Variants in FRAS1 observed in about 807,000 individuals in gnomAD.
FRAS1 encodes the protein Fraser extracellular matrix complex subunit 1.
In FRAS1, 290 loss-of-function variants were observed where a neutral mutation model predicts 435.2. The ratio of observed to expected loss-of-function variants is 0.67; its 90% CI spans 0.61 to 0.73. The LOEUF (loss-of-function observed/expected upper bound fraction) is 0.73, where lower values mean the gene tolerates loss of function less well. Ranked by LOEUF, FRAS1 falls within the 30% of genes least tolerant of loss-of-function variation. The pLI, the probability that FRAS1 is intolerant of heterozygous loss-of-function variation, is 0.00. For synonymous variants in FRAS1, 1,800 were observed against 1,851.0 expected (o/e 0.97, Z 0.71); for missense variants, 4,860 against 5,001.5 (o/e 0.97, Z 0.85).
chr4:78,114,708 T>A (rs1235342881), intron 2 of FRAS1, among the ~76,000 whole-genome samples: 3 of 152,386 alleles, frequency 2.0e-5, no homozygotes, highest in Admixed American at 2.0e-4. Flanking sequence ...AAGTTGCCTG[T>A]CAGCTTAAGG....
chr4:78,370,842 G>A (rs1406136824), intron 23 of FRAS1, among the ~76,000 whole-genome samples: 1 of 152,168 alleles, frequency 6.6e-6, no homozygotes, highest in Non-Finnish European at 1.5e-5. Flanking sequence ...GAAAGCAAAG[G>A]TAAAGAACAG....
At chr4:78,088,096 C>A (rs1281232534) in intron 2 of FRAS1, among the ~76,000 whole-genome samples, 2 of 152,136 alleles carry the variant, frequency 1.3e-5, no homozygotes, top group Non-Finnish European at 2.9e-5. Flanking sequence ...ACCAATGGAA[C>A]AGAACAGAGC....
At chr4:78,290,498 C>T (rs1244986390) in intron 14 of FRAS1, among the ~76,000 whole-genome samples, 1 of 151,228 alleles carries the variant, frequency 6.6e-6, no homozygotes, top group Non-Finnish European at 1.5e-5. Context: ...GCTCTGTCAT[C>T]CAGGCTGGAG....
intron 58 of FRAS1, among the ~76,000 whole-genome samples, chr4:78,483,767 A>T (rs1351853551): frequency 3.6e-5 from 4 of 110,338 alleles, no homozygotes; most frequent in African/African-American, 9.7e-5. Context: ...GAAAAAAAAA[A>T]CTCTCTCTCT....
At chr4:78,469,848 G>A (rs1233834910) in intron 50 of FRAS1, 130 bp from the exon 51 acceptor site, 11 of 706,156 alleles carry the variant, frequency 1.6e-5, no homozygotes, top group African/African-American at 3.5e-5. Flanking sequence ...GGATGGGAAC[G>A]GGCTCAGTTG....
intron 18 of FRAS1, chr4:78,319,309 A>G (rs1729404724): frequency 2.0e-6 from 1 of 492,932 alleles, no homozygotes; most frequent in Non-Finnish European, 4.0e-6. Context: ...GTAGAATTTC[A>G]TTTATTATTC....
intron 2 of FRAS1, among the ~76,000 whole-genome samples, chr4:78,096,448 C>T (rs1387464928): frequency 6.6e-6 from 1 of 152,172 alleles, no homozygotes; most frequent in Non-Finnish European, 1.5e-5. Context: ...GAGCTCCCAC[C>T]CCACATTTCC....
rs560455547 is a variant in FRAS1 at position 78,212,075 on chromosome 4, A to G, written c.109-25435A>G. On this transcript the variant is annotated intron_variant, in intron 2 of 73. Coordinates refer to ENST00000512123, the MANE Select transcript of FRAS1 (RefSeq NM_025074.7). Reference sequence around the variant, plus strand: ...CCATTGGATGCATATGTATGTATATATATACACATTCATTCATCTTTCATC... The same window carrying G: ...CCATTGGATGCATATGTATGTATATGTATACACATTCATTCATCTTTCATC... Among the ~76,000 whole-genome samples, 3 of 152,320 alleles carry G rather than the reference A, an allele frequency of 2.0e-5. No individual in the cohort carries two copies. The South Asian group carries it at 6.2e-4, about 32-fold the overall frequency.
chr4:78,448,591 A>G (rs561984977), intron 44 of FRAS1, among the ~76,000 whole-genome samples: 2 of 152,188 alleles, frequency 1.3e-5, no homozygotes, highest in Non-Finnish European at 2.9e-5. Flanking sequence ...CAGGGCCCTC[A>G]AAAATCTTAA....
intron 29 of FRAS1, among the ~76,000 whole-genome samples, chr4:78,389,882 A>C (rs1290531397): frequency 1.3e-5 from 2 of 152,198 alleles, no homozygotes; most frequent in Non-Finnish European, 2.9e-5. Flanking sequence ...AGCACAAGAC[A>C]CAGAGTTTTG....
intron 2 of FRAS1, among the ~76,000 whole-genome samples, chr4:78,151,835 G>A (rs1186385736): frequency 6.6e-6 from 1 of 152,152 alleles, no homozygotes; most frequent in African/African-American, 2.4e-5. Flanking sequence ...CTGGAGCTGT[G>A]GATTTCTAGA....
chr4:78,234,759 A>C (rs150257157), intron 2 of FRAS1, among the ~76,000 whole-genome samples: 84 of 152,348 alleles, frequency 5.5e-4, no homozygotes, highest in African/African-American at 1.9e-3. Context: ...GAGAGGCCAC[A>C]GAGTTTGAAG....
chr4:78,389,835 C>G (rs1440571042), intron 29 of FRAS1, among the ~76,000 whole-genome samples: 3 of 152,074 alleles, frequency 2.0e-5, no homozygotes, highest in Non-Finnish European at 1.5e-5. Flanking sequence ...ACTACCAGAA[C>G]AAAACCAAGA....
intron 2 of FRAS1, among the ~76,000 whole-genome samples, chr4:78,113,397 C>T (rs867374476): frequency 3.9e-5 from 6 of 152,162 alleles, no homozygotes; most frequent in Admixed American, 6.5e-5. Context: ...CCTGAGGAAT[C>T]GTCACACTGA....
intron 60 of FRAS1, among the ~76,000 whole-genome samples, chr4:78,498,842 T>TTTA (rs1720590103): frequency 6.8e-6 from 1 of 147,688 alleles, no homozygotes; most frequent in Admixed American, 6.8e-5. Flanking sequence ...CAATATATTA[T>TTTA]TTTATTTATT....
Position 78,318,962 on chromosome 4 carries a change from T to C in FRAS1, c.2113T>C (p.Leu705=), listed in dbSNP as rs879585433. 1.9e-6 allele frequency: 3 copies of C among 1,613,752 alleles called. No homozygotes were observed. The highest frequency in any genetic ancestry group is 2.5e-6 in the Non-Finnish European group (3 of 1,179,826). Residue 705 remains leucine, a synonymous_variant, in exon 18 of 74, where the codon TTG becomes CTG. Transcript: ENST00000512123. Reference sequence around the variant, plus strand: ...AGCCCAGTGTAGAGCCCATTTTTACTTGGAGAGCACTGGCATATGTGAAGG... The same window carrying C: ...AGCCCAGTGTAGAGCCCATTTTTACCTGGAGAGCACTGGCATATGTGAAGG... ...CLAQCRAHFY[L]ESTGICEACH...
chr4:78,381,338 C>G (rs986132957), intron 27 of FRAS1, among the ~76,000 whole-genome samples: 2 of 152,210 alleles, frequency 1.3e-5, no homozygotes, highest in African/African-American at 4.8e-5. Flanking sequence ...GAATCTCACT[C>G]TGTCACTCAG....
At chr4:78,491,399 A>C (rs990552935) in intron 59 of FRAS1, among the ~76,000 whole-genome samples, 1 of 152,178 alleles carries the variant, frequency 6.6e-6, no homozygotes, top group African/African-American at 2.4e-5. Flanking sequence ...ATGCGAAAAT[A>C]CTCAATAAAA....
At chr4:78,448,483 A>G (rs1718923757) in intron 44 of FRAS1, among the ~76,000 whole-genome samples, 167 bp downstream of exon 44, 1 of 152,214 alleles carries the variant, frequency 6.6e-6, no homozygotes, top group South Asian at 2.1e-4. Context: ...TGGGATACTA[A>G]GAATTGTTAG....
Sources: gnomAD v4.1 joint callset for allele counts (sites outside exome capture counted in the v4.1 genomes callset) on GRCh38, gnomAD v4.1.1 for gene constraint, MANE v1.5 for transcripts, NCBI Gene and HGNC (gene_info 2026-07-23, HGNC 2026-07-21) for gene names.